C2CD5: variants seen among roughly 807,000 people sequenced by gnomAD.
The protein encoded by C2CD5 is C2 domain-containing protein 5.
In C2CD5, 109 loss-of-function variants were observed where a neutral mutation model predicts 130.3. The observed-to-expected ratio is 0.84, with a 90% CI of 0.72 to 0.98. The LOEUF (loss-of-function observed/expected upper bound fraction) is 0.98, where lower values mean the gene tolerates loss of function less well. C2CD5 is among the 50% of genes least tolerant of loss of function. The pLI is 0.00. For missense variants in C2CD5, 996 were observed against 1,261.8 expected, an observed-to-expected ratio of 0.79 and a Z score of 3.19; for synonymous variants, 454 against 429.2, an observed-to-expected ratio of 1.06 and a Z score of -0.71.
Position 22,525,654 on chromosome 12 carries a change from A to C in C2CD5, c.401T>G (p.Leu134Ter), listed in dbSNP as rs1400730331. 3 of 1,593,656 alleles carry C rather than the reference A, an allele frequency of 1.9e-6. No homozygotes were observed. The highest frequency in any genetic ancestry group is 2.6e-6 in the Non-Finnish European group (3 of 1,161,806). The change falls in exon 5 of 27, where the codon TTA becomes TGA. Residue 134 changes from leucine (L) to a stop codon, truncating the protein, a stop_gained. Coordinates refer to ENST00000446597, the MANE Select transcript of C2CD5 (RefSeq NM_001286176.2). LOFTEE classifies it high-confidence loss of function. ...VVVKVDLFND[L>*]NRFRQSSCGV... Reference sequence around the variant, plus strand: ...ACATGATGACTGCCTAAATCGATTTAAATCATTGAAGAGGTCTACTTTGAC... The same window carrying C: ...ACATGATGACTGCCTAAATCGATTTCAATCATTGAAGAGGTCTACTTTGAC...
At chr12:22,506,243 C>T (rs1217321355) in intron 10 of C2CD5, among the ~76,000 whole-genome samples, 1 of 152,080 alleles carries the variant, frequency 6.6e-6, no homozygotes, top group Non-Finnish European at 1.5e-5. Context: ...TGGGCTCAAG[C>T]GATCCTCCTT....
chr12:22,460,552 T>C (rs1483860098), intron 22 of C2CD5: 3 of 152,114 alleles, frequency 2.0e-5, no homozygotes, highest in African/African-American at 7.2e-5. Context: ...GAAAATACAA[T>C]GCAAGTATCT....
chr12:22,491,522 T>C (rs1946352112), intron 11 of C2CD5, among the ~76,000 whole-genome samples: 1 of 152,150 alleles, frequency 6.6e-6, no homozygotes, highest in African/African-American at 2.4e-5. Context: ...TAAAATTTAT[T>C]TTACATCATA....
rs1475919809 is a variant in C2CD5, at chr12:22,482,566, C to A, written c.1728G>T (p.Met576Ile). 1.2e-6 allele frequency: 2 copies of A among 1,613,266 alleles called. No individual in the cohort carries two copies. The highest frequency in any genetic ancestry group is 4.5e-5 in the East Asian group (2 of 44,794). ...AAACATCTAAACTTACCGCTAAGCC[C>A]ATCAACATATTTTCACCCACTGTGA... ...IQITVGENML[M>I]GLASATGVYL... is the part of the protein sequence containing the mutation. Residue 576 changes from methionine (M) to isoleucine (I), a missense_variant, in exon 14 of 27, where the codon ATG (methionine) becomes ATT (isoleucine). Coordinates refer to ENST00000446597, the MANE Select transcript of C2CD5 (RefSeq NM_001286176.2).
intron 4 of C2CD5, among the ~76,000 whole-genome samples, 169 bp downstream of exon 4, chr12:22,527,552 A>T (rs977535517): frequency 1.3e-5 from 2 of 152,042 alleles, no homozygotes; most frequent in Admixed American, 1.3e-4. Flanking sequence ...TCCCGACCTC[A>T]GGTGATCCAC....
intron 14 of C2CD5, among the ~76,000 whole-genome samples, chr12:22,479,928 T>C (rs1944457187): frequency 6.6e-6 from 1 of 152,124 alleles, no homozygotes; most frequent in Non-Finnish European, 1.5e-5. Flanking sequence ...ACTCTAGATA[T>C]TTGTTATTAT....
At chr12:22,510,736 T>C (rs1296585954) in intron 9 of C2CD5, among the ~76,000 whole-genome samples, 3 of 152,240 alleles carry the variant, frequency 2.0e-5, no homozygotes, top group East Asian at 3.8e-4. Context: ...TAAAATGTAC[T>C]TGCGAAATAC....
chr12:22,513,466 G>A (rs1380257782), intron 8 of C2CD5, 87 bp from the exon 9 acceptor site: 1 of 819,620 alleles, frequency 1.2e-6, no homozygotes, highest in African/African-American at 1.7e-5. Flanking sequence ...AACATCATGA[G>A]TTGAAATGTG....
In C2CD5 at chr12:22,506,897, T is replaced by C. The variant is rs922697126; in HGVS notation, c.1039-78A>G. ...AATTTGCTTATTAAAAAGCTTGCCA[T>C]AGCAACTGTATTACATCCCTTGAAA... On this transcript the variant is annotated intron_variant, in intron 9 of 26. Coordinates refer to ENST00000446597, the MANE Select transcript of C2CD5 (RefSeq NM_001286176.2). The C allele has an allele frequency of 7.3e-6, 6 of 816,444 alleles. No homozygotes were observed. The East Asian group carries it at 9.8e-5, about 13-fold the overall frequency. 50.6% of individuals were successfully genotyped at this position (816,444 alleles called of 1,614,324 possible).
intron 12 of C2CD5, 41 bp from the exon 13 acceptor site, chr12:22,484,929 G>C (rs1159502640): frequency 9.6e-7 from 1 of 1,041,838 alleles, no homozygotes; most frequent in Admixed American, 3.2e-5. Flanking sequence ...CTTTAAAAAT[G>C]TACCAATTTT....
In C2CD5 at chr12:22,513,309, T is replaced by G. The variant is rs753264992; in HGVS notation, c.1023A>C (p.Ser341=). Residue 341 remains serine (S), a synonymous_variant, in exon 9 of 27, where the codon TCA becomes TCC. Coordinates refer to ENST00000446597, the MANE Select transcript of C2CD5 (RefSeq NM_001286176.2). ...TGAATCTTACCCTCTGTTCCAACGC[T>G]GATTGAGTCTGTTGTCTTAAAAGAG... ...FKALLRQQTQ[S]ALEQREFPFF... The G allele has an allele frequency of 3.7e-6, 6 of 1,609,164 alleles. No homozygotes were observed. Among genetic ancestry groups the G allele is most frequent in the Admixed American group, 3.3e-5 (2 of 59,976 alleles).
At chr12:22,455,706 A>T (rs972720141) in intron 25 of C2CD5, among the ~76,000 whole-genome samples, 1 of 152,122 alleles carries the variant, frequency 6.6e-6, no homozygotes, top group African/African-American at 2.4e-5. Flanking sequence ...GGGGGGAAGG[A>T]TAGAGTCTCA....
intron 14 of C2CD5, among the ~76,000 whole-genome samples, chr12:22,479,819 T>C (rs1944445323): frequency 6.6e-6 from 1 of 152,254 alleles, no homozygotes; most frequent in South Asian, 2.1e-4. Flanking sequence ...CACTTATGTG[T>C]AAATATGCTA....
chr12:22,485,100 AC>A (rs1380672321), intron 12 of C2CD5, among the ~76,000 whole-genome samples: 1 of 152,130 alleles, frequency 6.6e-6, no homozygotes, highest in African/African-American at 2.4e-5. Context: ...GAAAAGACTT[AC>A]CAATTGCAAA....
At chr12:22,505,453 G>A (rs1427120877) in intron 10 of C2CD5, among the ~76,000 whole-genome samples, 1 of 151,830 alleles carries the variant, frequency 6.6e-6, no homozygotes, top group Non-Finnish European at 1.5e-5. Context: ...TTACAGGCAT[G>A]AGCCACTGTG....
chr12:22,450,674 A>C (rs1417365084), intron 26 of C2CD5, among the ~76,000 whole-genome samples: 1 of 152,136 alleles, frequency 6.6e-6, no homozygotes, highest in African/African-American at 2.4e-5. Flanking sequence ...TTACAAAGGT[A>C]CTACTTTGAC....
intron 14 of C2CD5, among the ~76,000 whole-genome samples, chr12:22,479,060 TTA>T (rs1186764283): frequency 6.6e-6 from 1 of 152,050 alleles, no homozygotes; most frequent in Non-Finnish European, 1.5e-5. Context: ...ATTATATTTT[TTA>T]TGTTTCTACC....
chr12:22,504,571 G>C (rs1948244215), intron 10 of C2CD5, among the ~76,000 whole-genome samples: 1 of 152,202 alleles, frequency 6.6e-6, no homozygotes, highest in Non-Finnish European at 1.5e-5. Context: ...GCTTCCCAAA[G>C]TGTTGGGATT....
chr12:22,517,912 G>T, intron 8 of C2CD5, 74 bp downstream of exon 8: 3 of 1,253,484 alleles, frequency 2.4e-6, no homozygotes, highest in East Asian at 2.4e-5. Context: ...GGAAAGATTT[G>T]GATGGAAAGC....
Sources: gnomAD v4.1 joint callset for allele counts (sites outside exome capture counted in the v4.1 genomes callset) on GRCh38, gnomAD v4.1.1 for gene constraint, MANE v1.5 for transcripts, NCBI Gene and HGNC (gene_info 2026-07-23, HGNC 2026-07-21) for gene names.